Variants in NCKAP5 observed in about 807,000 individuals in gnomAD.
The protein encoded by NCKAP5 is NCK associated protein 5, also known as nck-associated protein 5.
A neutral mutation model predicts 167.0 loss-of-function variants in NCKAP5; 92 were observed. That is an observed-to-expected ratio of 0.55 (90% CI 0.47 to 0.66). The LOEUF (loss-of-function observed/expected upper bound fraction) is 0.66. NCKAP5 is among the 30% of genes least tolerant of loss of function. The pLI is 0.00. For synonymous variants in NCKAP5, 891 were observed against 877.4 expected (o/e 1.02, Z -0.27); for missense variants, 2,378 against 2,315.0 (o/e 1.03, Z -0.56).
At chr2:133,505,883 C>T (rs988744440) in intron 3 of NCKAP5, among the ~76,000 whole-genome samples, 2 of 152,222 alleles carry the variant, frequency 1.3e-5, no homozygotes, top group East Asian at 1.9e-4. Flanking sequence ...GCACCGCTCT[C>T]GTCATAACAA....
At chr2:133,278,035 G>T (rs1002786716) in intron 4 of NCKAP5, among the ~76,000 whole-genome samples, 1 of 151,978 alleles carries the variant, frequency 6.6e-6, no homozygotes, top group Non-Finnish European at 1.5e-5. Context: ...CCATCACAAG[G>T]AATAAAAAAC....
At position 132,755,924 on chromosome 2, in the gene NCKAP5, CA is replaced by C. The variant is rs1335398226; in HGVS notation, c.5128+17891del. 2.6e-5 allele frequency among the ~76,000 whole-genome samples: 4 copies of C among 151,404 alleles called. No homozygotes were observed. In the East Asian group the frequency reaches 7.8e-4, roughly 29 times the overall value. On this transcript the variant is annotated intron_variant, in intron 16 of 19. Coordinates refer to ENST00000409261, the MANE Select transcript of NCKAP5 (RefSeq NM_207363.3). ...AGATCGATGCTTGAGTTCCTGCTAG[CA>C]CCTGGAATGGTATCAAACACTCAGA... is the stretch of plus-strand genomic sequence containing the variant.
chr2:132,685,503 C>G (rs954776125), intron 19 of NCKAP5, among the ~76,000 whole-genome samples: 5 of 152,136 alleles, frequency 3.3e-5, no homozygotes, highest in African/African-American at 4.8e-5. Flanking sequence ...TGGTGGCAGA[C>G]AGGGTACCTT....
chr2:133,240,092 T>A (rs548328919), intron 4 of NCKAP5, among the ~76,000 whole-genome samples: 2 of 152,298 alleles, frequency 1.3e-5, no homozygotes, highest in South Asian at 4.1e-4. Context: ...AACACCTCAT[T>A]ATTGATAACA....
chr2:133,483,823 T>C (rs893274900), intron 3 of NCKAP5, among the ~76,000 whole-genome samples: 1 of 152,132 alleles, frequency 6.6e-6, no homozygotes, highest in Non-Finnish European at 1.5e-5. Flanking sequence ...TCTCCCCCCA[T>C]ATCTATTGAA....
chr2:133,091,393 C>T (rs1018264125), intron 6 of NCKAP5, among the ~76,000 whole-genome samples: 7 of 152,124 alleles, frequency 4.6e-5, no homozygotes, highest in Non-Finnish European at 8.8e-5. Context: ...AGACCACTCA[C>T]CTCATTTTAA....
intron 8 of NCKAP5, among the ~76,000 whole-genome samples, chr2:132,958,960 G>A (rs973807503): frequency 4.7e-5 from 7 of 149,752 alleles, no homozygotes; most frequent in Admixed American, 6.7e-5. Flanking sequence ...ACTGGGGTGG[G>A]GACCAAAAAA....
intron 4 of NCKAP5, among the ~76,000 whole-genome samples, chr2:133,251,306 C>G (rs1437404830): frequency 6.6e-6 from 1 of 152,176 alleles, no homozygotes; most frequent in Non-Finnish European, 1.5e-5. Flanking sequence ...AACCAATCCC[C>G]TGAGCACAGT....
At chr2:133,544,288 C>T (rs536236639) in intron 2 of NCKAP5, among the ~76,000 whole-genome samples, 4 of 152,184 alleles carry the variant, frequency 2.6e-5, no homozygotes, top group Admixed American at 1.3e-4. Flanking sequence ...CAAATATACA[C>T]GTGTATACAC....
chr2:132,685,717 T>G lies in NCKAP5; in HGVS notation c.5714-12412A>C, dbSNP rs1473501127. On this transcript the variant is annotated intron_variant, in intron 19 of 19. Coordinates refer to ENST00000409261, the MANE Select transcript of NCKAP5 (RefSeq NM_207363.3). ...GGTGGCAAAAGAAGCTTTCTGTCTG[T>G]TTTTCTCCCCATGGAAGCAAGGTTT... Among the ~76,000 whole-genome samples, 4 of 152,018 alleles carry G rather than the reference T, an allele frequency of 2.6e-5. No individual in the cohort carries two copies. In the East Asian group the frequency reaches 7.7e-4, roughly 29 times the overall value.
chr2:133,622,513 C>G, the NCKAP5 span, among the ~76,000 whole-genome samples: 1 of 151,974 alleles, frequency 6.6e-6, no homozygotes, highest in Non-Finnish European at 1.5e-5. Context: ...AGAATCAAAT[C>G]AAGAACTCAA....
chr2:133,160,408 C>CTT (rs59557631), intron 5 of NCKAP5, among the ~76,000 whole-genome samples: 17,554 of 120,846 alleles, frequency 0.15, 974 homozygotes, highest in East Asian at 0.32. Flanking sequence ...AGGTCACATT[C>CTT]TTTTTTTTTT....
chr2:133,412,035 C>T (rs959709857), intron 3 of NCKAP5, among the ~76,000 whole-genome samples: 10 of 152,248 alleles, frequency 6.6e-5, no homozygotes, highest in Admixed American at 4.6e-4. Flanking sequence ...TAGCTCTGCC[C>T]TGCAGCCCCC....
At chr2:133,607,611 A>G in the NCKAP5 span, among the ~76,000 whole-genome samples, 5 of 152,382 alleles carry the variant, frequency 3.3e-5, no homozygotes, top group East Asian at 7.7e-4. Context: ...AATAGATACT[A>G]TAAATTATAA....
At chr2:132,759,684 T>C (rs1680837348) in intron 16 of NCKAP5, among the ~76,000 whole-genome samples, 1 of 152,122 alleles carries the variant, frequency 6.6e-6, no homozygotes, top group African/African-American at 2.4e-5. Context: ...GTGGTATTTA[T>C]TTTTCTGTCC....
intron 6 of NCKAP5, among the ~76,000 whole-genome samples, chr2:133,068,241 C>A (rs185482475): frequency 1.3e-5 from 2 of 152,290 alleles, no homozygotes; most frequent in African/African-American, 2.4e-5. Flanking sequence ...GTGTCCAGGG[C>A]TCACTCAGAT....
At chr2:133,283,735 C>T (rs562479977) in intron 4 of NCKAP5, among the ~76,000 whole-genome samples, 2 of 151,694 alleles carry the variant, frequency 1.3e-5, no homozygotes, top group Non-Finnish European at 2.9e-5. Context: ...CTCAGCCTCC[C>T]GAGTAGCTGG....
chr2:133,291,640 G>A (rs950089284), intron 4 of NCKAP5, among the ~76,000 whole-genome samples: 1 of 152,296 alleles, frequency 6.6e-6, no homozygotes, highest in East Asian at 1.9e-4. Context: ...CTGAGTGTTC[G>A]AGAGAAGGCA....
the NCKAP5 span, among the ~76,000 whole-genome samples, chr2:133,660,955 CA>C: frequency 0.27 from 33,197 of 124,402 alleles, 5,580 homozygotes; most frequent in African/African-American, 0.5. Flanking sequence ...TACAGGCTTG[CA>C]AAAAAAAAAA....
Sources: allele counts gnomAD v4.1 joint callset (sites outside exome capture counted in the v4.1 genomes callset), GRCh38; gene constraint gnomAD v4.1.1; transcripts MANE v1.5; gene names NCBI Gene and HGNC (gene_info 2026-07-23, HGNC 2026-07-21).